The following NEGR1 variants were observed in gnomAD, a reference collection of about 807,000 sequenced individuals.
The protein encoded by NEGR1 is IgLON family member 4.
A neutral mutation model predicts 40.9 loss-of-function variants in NEGR1; 10 were observed. The ratio of observed to expected loss-of-function variants is 0.24; its 90% CI spans 0.15 to 0.42. The LOEUF is 0.42. Among genes scored for constraint, NEGR1 ranks in the 10% least tolerant of loss-of-function variants. The pLI is 1.00. For missense variants in NEGR1, 352 were observed against 438.9 expected, an observed-to-expected ratio of 0.80 and a Z score of 1.77; for synonymous variants, 185 against 166.8, an observed-to-expected ratio of 1.11 and a Z score of -0.84.
chr1:71,791,494 T>TA (rs1432703909), intron 2 of NEGR1, among the ~76,000 whole-genome samples: 12 of 151,814 alleles, frequency 7.9e-5, no homozygotes, highest in Admixed American at 2.6e-4. Flanking sequence ...ATGGCTTTTT[T>TA]AAAAAAATAT....
chr1:71,635,845 T>A (rs1363473332), intron 4 of NEGR1, among the ~76,000 whole-genome samples: 1 of 152,006 alleles, frequency 6.6e-6, no homozygotes, highest in Non-Finnish European at 1.5e-5. Flanking sequence ...TTTTGAGATA[T>A]CGTGTCCTTA....
chr1:72,031,448 T>C (rs901133057), intron 1 of NEGR1, among the ~76,000 whole-genome samples: 1 of 152,158 alleles, frequency 6.6e-6, no homozygotes, highest in African/African-American at 2.4e-5. Flanking sequence ...TTAAGCACAT[T>C]TCCTATCTTA....
intron 2 of NEGR1, among the ~76,000 whole-genome samples, chr1:71,799,619 C>T (rs1034468990): frequency 1.3e-5 from 2 of 152,184 alleles, no homozygotes; most frequent in African/African-American, 4.8e-5. Context: ...GAAATTGCCA[C>T]ACTGCCTTCC....
intron 4 of NEGR1, among the ~76,000 whole-genome samples, chr1:71,621,872 T>TGAGTATGCA (rs1399494958): frequency 2.0e-5 from 3 of 151,898 alleles, no homozygotes; most frequent in African/African-American, 7.2e-5. Context: ...GTGTTGATGA[T>TGAGTATGCA]GAGTATGCAC....
At chr1:71,726,531 G>A (rs975537668) in intron 3 of NEGR1, among the ~76,000 whole-genome samples, 2 of 151,976 alleles carry the variant, frequency 1.3e-5, no homozygotes, top group Non-Finnish European at 2.9e-5. Context: ...TACATTTCTT[G>A]GTAATGCTTT....
chr1:71,851,167 C>A (rs977306713), intron 2 of NEGR1, among the ~76,000 whole-genome samples: 2 of 152,094 alleles, frequency 1.3e-5, no homozygotes, highest in Admixed American at 6.6e-5. Context: ...CAGCAGAATA[C>A]CCTGGTTTGA....
intron 1 of NEGR1, among the ~76,000 whole-genome samples, chr1:72,263,025 G>T (rs1655508820): frequency 6.6e-6 from 1 of 151,644 alleles, no homozygotes; most frequent in Non-Finnish European, 1.5e-5. Context: ...CATATTTTCA[G>T]TTTCTTGTTC....
intron 1 of NEGR1, among the ~76,000 whole-genome samples, chr1:72,248,864 T>C (rs1227581509): frequency 1.3e-5 from 2 of 152,160 alleles, no homozygotes; most frequent in Non-Finnish European, 2.9e-5. Flanking sequence ...ATAACAGGCA[T>C]GAACCACTTA....
intron 6 of NEGR1, among the ~76,000 whole-genome samples, chr1:71,455,465 G>A (rs1299148879): frequency 6.6e-6 from 1 of 152,184 alleles, no homozygotes; most frequent in Non-Finnish European, 1.5e-5. Flanking sequence ...AGTGGCTCAC[G>A]CCTGTAATCT....
At position 71,720,268 on chromosome 1, in the gene NEGR1, A is replaced by C. The variant is rs143043607; in HGVS notation, c.536-22129T>G. Among the ~76,000 whole-genome samples, 546 of 152,312 alleles carry C rather than the reference A, an allele frequency of 3.6e-3. 2 individuals are homozygous for C. Among genetic ancestry groups the C allele is most frequent in the African/African-American group, 0.013 (524 of 41,576 alleles). On this transcript the variant is annotated intron_variant, in intron 3 of 6. Coordinates refer to ENST00000357731, the MANE Select transcript of NEGR1 (RefSeq NM_173808.3). ...CCATTGGTTCAACAAGAATGAAACA[A>C]ATCGATTGACTCTATCAATGCCATT...
Position 71,776,168 on chromosome 1 carries a change from T to G in NEGR1, c.535+4A>C, listed in dbSNP as rs1323537370. On this transcript the variant is annotated splice_donor_region_variant and intron_variant, in intron 3 of 6. Coordinates refer to ENST00000357731, the MANE Select transcript of NEGR1 (RefSeq NM_173808.3). ...CAAACAACACTAATGCATTCCTACT[T>G]TACCTGATGGGGAGATGTGTCGCCA... 6.2e-7 allele frequency: 1 copy of G among 1,608,316 alleles called. No homozygotes were observed. Among genetic ancestry groups the G allele is most frequent in the East Asian group, 2.2e-5 (1 of 44,598 alleles).
intron 4 of NEGR1, among the ~76,000 whole-genome samples, chr1:71,672,841 A>G (rs555633995): frequency 1.3e-5 from 2 of 152,192 alleles, no homozygotes; most frequent in African/African-American, 4.8e-5. Context: ...GGATGAGAGT[A>G]TGTTAAATTG....
intron 4 of NEGR1, among the ~76,000 whole-genome samples, chr1:71,636,177 T>A (rs376848889): frequency 9.9e-5 from 15 of 152,200 alleles, no homozygotes; most frequent in Admixed American, 8.5e-4. Flanking sequence ...TATATTACAA[T>A]AAGTCCTAAT....
At chr1:71,730,877 CGTGTGTGTGTGTGTGTGTGT>C (rs59873481) in intron 3 of NEGR1, among the ~76,000 whole-genome samples, 4 of 130,070 alleles carry the variant, frequency 3.1e-5, no homozygotes, top group South Asian at 2.6e-4. Flanking sequence ...GTGAAGCATT[CGTGTGTGTGTGTGTGTGTGT>C]GTGTGTGTGT....
At chr1:71,927,453 C>A (rs571027868) in intron 2 of NEGR1, among the ~76,000 whole-genome samples, 2 of 152,108 alleles carry the variant, frequency 1.3e-5, no homozygotes, top group African/African-American at 4.8e-5. Context: ...TTTGGGAAAA[C>A]AACCTTGATT....
rs548147229 is a variant in NEGR1, at chr1:72,008,223, C to T, written c.177-72912G>A. Among the ~76,000 whole-genome samples the T allele has an allele frequency of 6.6e-5, 10 of 152,044 alleles. No homozygotes were observed. In the South Asian group the frequency reaches 2.1e-3, roughly 32 times the overall value. On this transcript the variant is annotated intron_variant, in intron 1 of 6. Transcript: ENST00000357731. ...ATTGAGTATAGCAGTCATCATGTGA[C>T]CAAGGTCACATAGTTAATAAGTAGA...
chr1:72,035,423 A>T (rs1181090901), intron 1 of NEGR1, among the ~76,000 whole-genome samples: 2 of 152,148 alleles, frequency 1.3e-5, no homozygotes, highest in Admixed American at 6.5e-5. Flanking sequence ...CACTGACTTA[A>T]GTATCACTTC....
At chr1:72,186,679 G>A (rs771358436) in intron 1 of NEGR1, among the ~76,000 whole-genome samples, 8 of 151,612 alleles carry the variant, frequency 5.3e-5, no homozygotes, top group Non-Finnish European at 7.4e-5. Context: ...GTCTCAATCT[G>A]AGGCTTCCCA....
chr1:71,598,377 A>G (rs1317448927), intron 5 of NEGR1, among the ~76,000 whole-genome samples: 1 of 152,148 alleles, frequency 6.6e-6, no homozygotes, highest in East Asian at 1.9e-4. Flanking sequence ...TCTAATGGGT[A>G]AAAAATTAAC....
Sources: gnomAD v4.1 joint callset for allele counts (sites outside exome capture counted in the v4.1 genomes callset) on GRCh38, gnomAD v4.1.1 for gene constraint, MANE v1.5 for transcripts, NCBI Gene and HGNC (gene_info 2026-07-23, HGNC 2026-07-21) for gene names.